Variants in ITGAD observed in about 807,000 individuals in gnomAD.
ITGAD encodes the protein integrin alpha-D.
A neutral mutation model predicts 139.0 loss-of-function variants in ITGAD; 105 were observed. That is an observed-to-expected ratio of 0.76 (90% confidence interval 0.65 to 0.89). The LOEUF (loss-of-function observed/expected upper bound fraction) is 0.89, where lower values mean the gene tolerates loss of function less well. Ranked by LOEUF, ITGAD falls within the 40% of genes least tolerant of loss-of-function variation. The probability of loss-of-function intolerance (pLI) is 0.00; values close to 1 mark genes in which losing one functional copy is unlikely to be tolerated. For synonymous variants in ITGAD, 569 were observed against 598.3 expected, an observed-to-expected ratio of 0.95 and a Z score of 0.71; for missense variants, 1,384 against 1,487.3, an observed-to-expected ratio of 0.93 and a Z score of 1.14.
rs375561750 is a variant in ITGAD at position 31,407,655 on chromosome 16, G to T, written c.845G>T (p.Arg282Leu). 1.1e-5 allele frequency: 18 copies of T among 1,614,036 alleles called. No individual in the cohort carries two copies. The South Asian group carries it at 1.3e-4, about 12-fold the overall frequency. ...CAGGCAGAGAAGGCTGGCATCATCC[G>T]CTACGCTATCGGGGTGCGCCTCTTC... ...IPQAEKAGII[R>L]YAIGVGHAFQ... Residue 282 changes from arginine (R) to leucine (L), a missense_variant, in exon 8 of 30, where the codon CGC becomes CTC. Transcript: ENST00000389202.
Position 31,411,078 on chromosome 16 carries a change from C to G in ITGAD, c.1359C>G (p.Ile453Met), listed in dbSNP as rs80152569. Residue 453 changes from isoleucine to methionine, a missense_variant and splice_region_variant, in exon 13 of 30, where the codon ATC (isoleucine) becomes ATG (methionine). Physicochemically the swap from Ile to Met is conservative, Grantham distance 10. Coordinates refer to ENST00000389202, the MANE Select transcript of ITGAD (RefSeq NM_005353.3). ...RKKAEVTGTQ[I>M]GSYFGASLCS... is the part of the protein sequence containing the mutation. The stretch of plus-strand genomic sequence containing the variant: ...ATGACCCAGGCTCTGCCCTCCAGAT[C>G]GGCTCCTACTTCGGGGCCTCCCTCT... 7 of 1,612,002 alleles carry G rather than the reference C, an allele frequency of 4.3e-6. No homozygotes were observed. In the Admixed American group the frequency reaches 5.0e-5, roughly 12 times the overall value.
rs1171036142 is a variant in ITGAD at position 31,398,649 on chromosome 16, T to TA, written c.427+748dup. 2.6e-5 allele frequency among the ~76,000 whole-genome samples: 4 copies of TA among 151,870 alleles called. No individual in the cohort carries two copies. The South Asian group carries it at 6.3e-4, about 24-fold the overall frequency. ...GGTACATGCATCACACCTGGCTAAT[T>TA]AAAAAAAATGTTTTTGTAGAGATGG... On this transcript the variant is annotated intron_variant, in intron 5 of 29. Coordinates refer to ENST00000389202, the MANE Select transcript of ITGAD (RefSeq NM_005353.3).
chr16:31,416,591 T>C lies in ITGAD; in HGVS notation c.2444T>C (p.Val815Ala). Residue 815 changes from valine to alanine, a missense_variant, in exon 20 of 30, where the codon GTG becomes GCG. Transcript: ENST00000389202. ...WNAGEDSYGT[V>A]VSLYYPAGLS... The stretch of plus-strand genomic sequence containing the variant: ...GCAGGTGAGGATTCCTACGGAACCG[T>C]GGTCAGCCTCTACTATCCAGCAGGG... 1 of 1,613,840 alleles carries C rather than the reference T, an allele frequency of 6.2e-7. No individual in the cohort carries two copies. Among genetic ancestry groups the C allele is most frequent in the Non-Finnish European group, 8.5e-7 (1 of 1,179,820 alleles).
intron 5 of ITGAD, among the ~76,000 whole-genome samples, chr16:31,398,965 G>A (rs986945619): frequency 6.6e-6 from 1 of 152,180 alleles, no homozygotes; most frequent in Non-Finnish European, 1.5e-5. Context: ...TCTTCTGGAT[G>A]GTTCACTGCT....
At chr16:31,415,902 C>A (rs1304530489) in intron 18 of ITGAD, among the ~76,000 whole-genome samples, 1 of 152,100 alleles carries the variant, frequency 6.6e-6, no homozygotes, top group Non-Finnish European at 1.5e-5. Flanking sequence ...CTGTCATTTC[C>A]ACCTTCCCCC....
Position 31,413,175 on chromosome 16 carries a change from A to T in ITGAD, c.1925A>T (p.Lys642Met). 1 of 1,614,162 alleles carries T rather than the reference A, an allele frequency of 6.2e-7. No individual in the cohort carries two copies. The highest frequency in any genetic ancestry group is 8.5e-7 in the Non-Finnish European group (1 of 1,180,018). The change falls in exon 16 of 30, where the codon AAG becomes ATG. Residue 642 changes from lysine (K) to methionine (M), a missense_variant. By Grantham distance (95) the Lys-to-Met change is moderately conservative (BLOSUM62 -1). Coordinates refer to ENST00000389202, the MANE Select transcript of ITGAD (RefSeq NM_005353.3). ...AKAVYRCWEE[K>M]PSALEAGDAT... ...GCTGTGTACCGGTGCTGGGAAGAGAAGCCCAGTGCCCTGGAAGCTGGGGAC... is the reference window on the plus strand; with the variant it reads ...GCTGTGTACCGGTGCTGGGAAGAGATGCCCAGTGCCCTGGAAGCTGGGGAC...
Position 31,412,838 on chromosome 16 carries a change from C to A in ITGAD, c.1708C>A (p.Arg570=), listed in dbSNP as rs756346848. The A allele has an allele frequency of 1.2e-6, 2 of 1,613,970 alleles. No homozygotes were observed. Among genetic ancestry groups the A allele is most frequent in the Non-Finnish European group, 8.5e-7 (1 of 1,180,010 alleles). ...ESGISPSHSQ[R]IASSQLSPRL... ...ATTCACCCTTTTCTCTTCTGGCCAG[C>A]GGATTGCCAGCTCCCAGCTCTCCCC... The change falls in exon 15 of 30, where the codon CGG becomes AGG. Residue 570 remains arginine (R), a splice_region_variant and synonymous_variant. Transcript: ENST00000389202.
chr16:31,412,355 C>T (rs2081747327), intron 14 of ITGAD, among the ~76,000 whole-genome samples: 1 of 152,118 alleles, frequency 6.6e-6, no homozygotes, highest in African/African-American at 2.4e-5. Context: ...TATTTGCTTT[C>T]AATTTCTATC....
At chr16:31,395,230 G>A (rs973016499) in intron 2 of ITGAD, among the ~76,000 whole-genome samples, 1 of 152,140 alleles carries the variant, frequency 6.6e-6, no homozygotes, top group Non-Finnish European at 1.5e-5. Context: ...TGAGGCAGGA[G>A]AATCGCTTGA....
At chr16:31,413,756 C>T (rs1323499247) in intron 16 of ITGAD, among the ~76,000 whole-genome samples, 2 of 152,182 alleles carry the variant, frequency 1.3e-5, no homozygotes, top group African/African-American at 4.8e-5. Flanking sequence ...CGTAAATGCA[C>T]CAGCTTTGCT....
In ITGAD at chr16:31,423,351, G is replaced by A; in HGVS notation, c.2860-1G>A. The A allele has an allele frequency of 6.2e-7, 1 of 1,613,812 alleles. No homozygotes were observed. The highest frequency in any genetic ancestry group is 8.5e-7 in the Non-Finnish European group (1 of 1,179,718). On this transcript the variant is annotated splice_acceptor_variant, in intron 24 of 29. Coordinates refer to ENST00000389202, the MANE Select transcript of ITGAD (RefSeq NM_005353.3). LOFTEE classifies it high-confidence loss of function. The stretch of plus-strand genomic sequence containing the variant: ...TAACACTCTGCCTTGATTTCCTGCA[G>A]GTGAATAACCTCAGCCAGCGAGATC...
chr16:31,402,122 A>G lies in ITGAD; in HGVS notation c.435A>G (p.Pro145=). The G allele has an allele frequency of 6.2e-7, 1 of 1,613,856 alleles. No individual in the cohort carries two copies. Among genetic ancestry groups the G allele is most frequent in the Non-Finnish European group, 8.5e-7 (1 of 1,179,774 alleles). ...CTCCCCATTCCCCCACAGAGTGTCC[A>G]CATCAAGAGATGGACATCGTCTTCC... ...QTVPDATPEC[P]HQEMDIVFLI... The change falls in exon 6 of 30, where the codon CCA becomes CCG. Residue 145 remains proline (P), a synonymous_variant. Coordinates refer to ENST00000389202, the MANE Select transcript of ITGAD (RefSeq NM_005353.3).
At chr16:31,395,440 A>C (rs1032650598) in intron 2 of ITGAD, among the ~76,000 whole-genome samples, 1 of 151,940 alleles carries the variant, frequency 6.6e-6, no homozygotes, top group African/African-American at 2.4e-5. Flanking sequence ...TGGCTCCCCC[A>C]CCCATGTGGG....
At chr16:31,424,690 C>G in intron 29 of ITGAD, 113 bp downstream of exon 29, 1 of 622,464 alleles carries the variant, frequency 1.6e-6, no homozygotes, top group Non-Finnish European at 2.7e-6. Context: ...CTCCACCTCC[C>G]GGGTTCAAGT....
At chr16:31,413,361 C>A in intron 16 of ITGAD, 115 bp downstream of exon 16, 1 of 1,133,798 alleles carries the variant, frequency 8.8e-7, no homozygotes, top group Non-Finnish European at 1.3e-6. Flanking sequence ...TCACTCACCA[C>A]CTGTGCCAGA....
In ITGAD at chr16:31,407,521, G is replaced by A. The variant is rs774303732; in HGVS notation, c.711G>A (p.Gln237=). ...TATGILTVVT[Q]LFHHKNGARK... ...TTCCTTTCCTCCCCGACAGGACACA[G>A]CTATTTCATCATAAGAATGGGGCCC... Residue 237 remains glutamine (Q), a synonymous_variant, in exon 8 of 30, where the codon CAG becomes CAA. Coordinates refer to ENST00000389202, the MANE Select transcript of ITGAD (RefSeq NM_005353.3). The A allele has an allele frequency of 3.1e-6, 5 of 1,590,826 alleles. No homozygotes were observed. The highest frequency in any genetic ancestry group is 1.7e-4 in the Middle Eastern group (1 of 5,948).
rs1422120089 is a variant in ITGAD at position 31,423,845 on chromosome 16, G to A, written c.3046G>A (p.Asp1016Asn). 3 of 1,614,064 alleles carry A rather than the reference G, an allele frequency of 1.9e-6. No individual in the cohort carries two copies. The highest frequency in any genetic ancestry group is 2.5e-6 in the Non-Finnish European group (3 of 1,180,032). The change falls in exon 27 of 30, where the codon GAC becomes AAC. Residue 1016 changes from aspartate (D) to asparagine (N), a missense_variant and splice_region_variant. Physicochemically the swap from Asp to Asn is conservative, Grantham distance 23. Coordinates refer to ENST00000389202, the MANE Select transcript of ITGAD (RefSeq NM_005353.3). ...LTQISRSPML[D>N]CSIADCLQFR... The stretch of plus-strand genomic sequence containing the variant: ...AGTTTCACCCCTCTTCTGCCCCCAG[G>A]ACTGCTCCATTGCTGACTGCCTGCA...
Position 31,410,832 on chromosome 16 carries a change from A to G in ITGAD, c.1310A>G (p.Gln437Arg). ...ACCGGGAAGGCTGTCATCTTCACCC[A>G]GGTGTCCAGGCAATGGAGGAAGAAG... ...QHTGKAVIFT[Q>R]VSRQWRKKAE... The change falls in exon 12 of 30, where the codon CAG becomes CGG. Residue 437 changes from glutamine to arginine, a missense_variant. Coordinates refer to ENST00000389202, the MANE Select transcript of ITGAD (RefSeq NM_005353.3). The G allele has an allele frequency of 2.5e-6, 4 of 1,605,880 alleles. No homozygotes were observed. The highest frequency in any genetic ancestry group is 3.4e-6 in the Non-Finnish European group (4 of 1,175,566).
Position 31,426,188 on chromosome 16 carries a change from C to A in ITGAD, c.*60C>A. On this transcript the variant is annotated 3_prime_UTR_variant, in exon 30 of 30. Transcript: ENST00000389202. ...GCTGGACTTGCTTGCAACCATAAAT[C>A]AACTTACATGGAAACAACTTCTGCA... is the stretch of plus-strand genomic sequence containing the variant. 1.7e-6 allele frequency: 2 copies of A among 1,172,902 alleles called. No homozygotes were observed. Among genetic ancestry groups the A allele is most frequent in the South Asian group, 2.6e-5 (2 of 78,216 alleles). 72.7% of individuals were successfully genotyped at this position (1,172,902 alleles called of 1,614,324 possible). A position where few individuals can be genotyped will look rare whatever the true frequency, so the allele number is the denominator to read the frequency against.
Sources: gnomAD v4.1 joint callset for allele counts (sites outside exome capture counted in the v4.1 genomes callset) on GRCh38, gnomAD v4.1.1 for gene constraint, MANE v1.5 for transcripts, NCBI Gene and HGNC (gene_info 2026-07-23, HGNC 2026-07-21) for gene names.